RNF169: variants seen among roughly 807,000 people sequenced by gnomAD.
RNF169 encodes E3 ubiquitin-protein ligase RNF169.
Under a neutral mutation model 53.9 loss-of-function variants are expected in RNF169, and 24 were observed. The observed-to-expected ratio is 0.45, with a 90% CI of 0.32 to 0.63. RNF169 has a LOEUF of 0.63. RNF169 is among the 20% of genes least tolerant of loss of function. The pLI is 0.04. For synonymous variants in RNF169, 396 were observed against 363.5 expected (o/e 1.09, Z -1.02); for missense variants, 883 against 906.2 (o/e 0.97, Z 0.33).
chr11:74,832,097 CACTTATGCT>C (rs2036187823), intron 4 of RNF169: 1 of 152,174 alleles, frequency 6.6e-6, no homozygotes. Context: ...TCTCTTACAG[CACTTATGCT>C]ACAGAGTGGT....
At chr11:74,774,763 T>C (rs1565173947) in intron 1 of RNF169, among the ~76,000 whole-genome samples, 1 of 152,164 alleles carries the variant, frequency 6.6e-6, no homozygotes, top group African/African-American at 2.4e-5. Context: ...GAGACCATCC[T>C]GGCTAACATG....
intron 2 of RNF169, among the ~76,000 whole-genome samples, chr11:74,806,080 A>T (rs2035801734): frequency 6.6e-6 from 1 of 152,194 alleles, no homozygotes; most frequent in South Asian, 2.1e-4. Flanking sequence ...ATATGTATTC[A>T]TATATTTTTC....
At chr11:74,795,771 T>G (rs2035640060) in intron 2 of RNF169, among the ~76,000 whole-genome samples, 2 of 151,990 alleles carry the variant, frequency 1.3e-5, no homozygotes, top group Admixed American at 1.3e-4. Context: ...GCAGGAGGAT[T>G]GCTTGAGCCC....
Position 74,792,821 on chromosome 11 carries a change from T to G in RNF169, c.576+3122T>G, listed in dbSNP as rs1311787506. 2.0e-5 allele frequency among the ~76,000 whole-genome samples: 3 copies of G among 152,274 alleles called. No homozygotes were observed. In the East Asian group the frequency reaches 5.8e-4, roughly 29 times the overall value. On this transcript the variant is annotated intron_variant, in intron 2 of 5. Coordinates refer to ENST00000299563, the MANE Select transcript of RNF169 (RefSeq NM_001098638.2). ...TTAAAAGGGGCTGATGCCATAATGT[T>G]TTTGAGTGAAGCTAGGATAATCTCA...
At chr11:74,767,662 TGG>T (rs1408113812) in intron 1 of RNF169, among the ~76,000 whole-genome samples, 1 of 152,018 alleles carries the variant, frequency 6.6e-6, no homozygotes, top group Non-Finnish European at 1.5e-5. Context: ...CTCCGCCTCC[TGG>T]GTTCACGCCA....
rs771854419 is a variant in RNF169 at position 74,837,982 on chromosome 11, T to C, written c.*1252T>C. 2.0e-5 allele frequency: 3 copies of C among 152,242 alleles called. No individual in the cohort carries two copies. The highest frequency in any genetic ancestry group is 4.4e-5 in the Non-Finnish European group (3 of 68,048). The allele number at this position is 152,242 out of a possible 1,614,324, so 9.4% of individuals were successfully genotyped here. ...ATGCCCCATGTAGTATGAGTTACTA[T>C]ATAAAGTCATGTGACTGGCATTTTA... On this transcript the variant is annotated 3_prime_UTR_variant, in exon 6 of 6. Transcript: ENST00000299563.
chr11:74,750,632 C>G (rs1222545302), intron 1 of RNF169, among the ~76,000 whole-genome samples: 6 of 120,506 alleles, frequency 5.0e-5, no homozygotes, highest in Non-Finnish European at 9.7e-5. Flanking sequence ...GAGTCTCGCA[C>G]TGTCGCCCGG....
intron 1 of RNF169, among the ~76,000 whole-genome samples, chr11:74,788,138 C>T (rs1229120348): frequency 6.6e-6 from 1 of 152,052 alleles, no homozygotes; most frequent in Non-Finnish European, 1.5e-5. Context: ...GAAAACTAGG[C>T]TTGGAAAATG....
In RNF169 at chr11:74,839,401, C is replaced by G. The variant is rs2036309473; in HGVS notation, c.*2671C>G. On this transcript the variant is annotated 3_prime_UTR_variant, in exon 6 of 6. Transcript: ENST00000299563. Reference sequence around the variant, plus strand: ...GCTTTTCTTTCTGAAAAATCTCCCTCTCTCCTTCCATGATTCTGAAGTTGG... The same window carrying G: ...GCTTTTCTTTCTGAAAAATCTCCCTGTCTCCTTCCATGATTCTGAAGTTGG... 1 of 152,188 alleles carries G rather than the reference C, an allele frequency of 6.6e-6. No individual in the cohort carries two copies. Among genetic ancestry groups the G allele is most frequent in the South Asian group, 2.1e-4 (1 of 4,824 alleles). The allele number at this position is 152,188 out of a possible 1,614,324, so 9.4% of individuals were successfully genotyped here.
chr11:74,748,892 A>C lies in RNF169; in HGVS notation c.12A>C (p.Ala4=), dbSNP rs2034834602. ...AAACGGGAAACAAGATGGCGGCTGCAGGTCCGAGTACTCGGGCCTCTTCCG... is the reference window on the plus strand; with the variant it reads ...AAACGGGAAACAAGATGGCGGCTGCCGGTCCGAGTACTCGGGCCTCTTCCG... The part of the protein sequence containing the change: MAA[A]GPSTRASSAA... The change falls in exon 1 of 6, where the codon GCA becomes GCC. Residue 4 remains alanine, a synonymous_variant. Transcript: ENST00000299563. The C allele has an allele frequency of 2.0e-5, 28 of 1,426,708 alleles. No individual in the cohort carries two copies. Among genetic ancestry groups the C allele is most frequent in the Non-Finnish European group, 2.6e-5 (28 of 1,078,612 alleles). 88.4% of individuals were successfully genotyped at this position (1,426,708 alleles called of 1,614,324 possible). A position where few individuals can be genotyped will look rare whatever the true frequency, so the allele number is the denominator to read the frequency against.
chr11:74,822,186 G>GTAGGT (rs1284783747), intron 4 of RNF169, among the ~76,000 whole-genome samples: 1 of 152,136 alleles, frequency 6.6e-6, no homozygotes. Flanking sequence ...CAAGTATGGC[G>GTAGGT]TAGGTATGTA....
chr11:74,792,555 C>T (rs1272406632), intron 2 of RNF169, among the ~76,000 whole-genome samples: 1 of 152,128 alleles, frequency 6.6e-6, no homozygotes, highest in East Asian at 1.9e-4. Context: ...GCGTGTGCCA[C>T]CATGCCCAGC....
intron 2 of RNF169, among the ~76,000 whole-genome samples, chr11:74,804,797 G>A (rs1021569863): frequency 1.3e-5 from 2 of 152,070 alleles, no homozygotes; most frequent in African/African-American, 2.4e-5. Context: ...TATGGACGAC[G>A]TTAAGAAATG....
intron 4 of RNF169, among the ~76,000 whole-genome samples, chr11:74,824,767 T>TAA (rs900209300): frequency 6.6e-6 from 1 of 151,952 alleles, no homozygotes; most frequent in Non-Finnish European, 1.5e-5. Flanking sequence ...CTTTAGTTTG[T>TAA]AAAAAAAATG....
At chr11:74,768,125 TTGGTATCAGGG>T (rs2035202546) in intron 1 of RNF169, among the ~76,000 whole-genome samples, 1 of 152,200 alleles carries the variant, frequency 6.6e-6, no homozygotes, top group South Asian at 2.1e-4. Context: ...CAGTGAAGTA[TTGGTATCAGGG>T]TGGTTGAATA....
chr11:74,786,811 T>G (rs1228236675), intron 1 of RNF169, among the ~76,000 whole-genome samples: 1 of 152,340 alleles, frequency 6.6e-6, no homozygotes, highest in Middle Eastern at 3.4e-3. Flanking sequence ...TATCCAAGGC[T>G]CTCAACCTTC....
rs542673230 is a variant in RNF169, at chr11:74,792,494, T to C, written c.576+2795T>C. 2.2e-4 allele frequency among the ~76,000 whole-genome samples: 34 copies of C among 152,196 alleles called. No individual in the cohort carries two copies. The South Asian group carries it at 7.1e-3, about 32-fold the overall frequency. ...TTGGCTCACCACAACCTCTGCCTCC[T>C]AGGTTCAAGTGATTCTCCTGCCTCA... is the stretch of plus-strand genomic sequence containing the variant. On this transcript the variant is annotated intron_variant, in intron 2 of 5. Transcript: ENST00000299563.
intron 1 of RNF169, among the ~76,000 whole-genome samples, chr11:74,772,019 A>G (rs192191603): frequency 6.6e-5 from 10 of 152,376 alleles, no homozygotes; most frequent in Admixed American, 6.5e-4. Flanking sequence ...GGTCCCCAAC[A>G]TTTCAGATAA....
intron 2 of RNF169, 101 bp from the exon 3 acceptor site, chr11:74,810,083 C>A: frequency 9.8e-7 from 1 of 1,024,946 alleles, no homozygotes; most frequent in Non-Finnish European, 1.4e-6. Context: ...AGTCTCAAAA[C>A]TGCCATGTGA....
Sources: gnomAD v4.1 joint callset for allele counts (sites outside exome capture counted in the v4.1 genomes callset) on GRCh38, gnomAD v4.1.1 for gene constraint, MANE v1.5 for transcripts, NCBI Gene and HGNC (gene_info 2026-07-23, HGNC 2026-07-21) for gene names.